The following ASTN2 variants were observed in gnomAD, a reference collection of about 807,000 sequenced individuals.
ASTN2 encodes the protein astrotactin-2.
A neutral mutation model predicts 139.8 loss-of-function variants in ASTN2; 54 were observed. That is an observed-to-expected ratio of 0.39 (90% confidence interval 0.31 to 0.48). ASTN2 has a LOEUF of 0.48. ASTN2 is among the 20% of genes least tolerant of loss of function. The pLI is 0.95. For synonymous variants in ASTN2, 756 were observed against 719.5 expected, an observed-to-expected ratio of 1.05 and a Z score of -0.81; for missense variants, 1,565 against 1,725.1, an observed-to-expected ratio of 0.91 and a Z score of 1.64.
chr9:116,772,824 T>C (rs370715651), intron 13 of ASTN2, among the ~76,000 whole-genome samples: 22 of 152,136 alleles, frequency 1.4e-4, no homozygotes, highest in African/African-American at 4.8e-4. Flanking sequence ...AAAGGAAATA[T>C]ATGAACCTCC....
At chr9:117,018,105 A>T (rs1377089703) in intron 6 of ASTN2, among the ~76,000 whole-genome samples, 1 of 152,060 alleles carries the variant, frequency 6.6e-6, no homozygotes, top group East Asian at 1.9e-4. Flanking sequence ...CTACTTGAAG[A>T]CATGTTGCGA....
chr9:116,569,867 G>A (rs1403114837), intron 19 of ASTN2, among the ~76,000 whole-genome samples: 2 of 152,196 alleles, frequency 1.3e-5, no homozygotes, highest in Non-Finnish European at 2.9e-5. Flanking sequence ...GAAATGACCA[G>A]CAAGTTCATA....
chr9:117,084,184 C>A (rs1329571671), intron 5 of ASTN2, among the ~76,000 whole-genome samples: 1 of 152,158 alleles, frequency 6.6e-6, no homozygotes, highest in Non-Finnish European at 1.5e-5. Context: ...GGGCCAAATG[C>A]AGATGTAGAT....
At chr9:116,909,858 T>C (rs1339078502) in intron 10 of ASTN2, among the ~76,000 whole-genome samples, 1 of 152,200 alleles carries the variant, frequency 6.6e-6, no homozygotes, top group Non-Finnish European at 1.5e-5. Flanking sequence ...AAACTGAGAA[T>C]TGGTCATTGG....
At chr9:116,982,276 T>A (rs1243465097) in intron 7 of ASTN2, among the ~76,000 whole-genome samples, 1 of 152,198 alleles carries the variant, frequency 6.6e-6, no homozygotes, top group Non-Finnish European at 1.5e-5. Flanking sequence ...GCCTGTTTCC[T>A]TTACCTATAA....
intron 1 of ASTN2, among the ~76,000 whole-genome samples, chr9:117,349,795 C>G (rs540927928): frequency 3.3e-5 from 5 of 152,146 alleles, no homozygotes; most frequent in South Asian, 2.1e-4. Context: ...TCAGAGACTC[C>G]CTGATATGAT....
At chr9:117,369,418 G>A (rs1324238800) in intron 1 of ASTN2, among the ~76,000 whole-genome samples, 1 of 151,932 alleles carries the variant, frequency 6.6e-6, no homozygotes, top group African/African-American at 2.4e-5. Context: ...TACTCTTTAC[G>A]ATAACCCTGC....
chr9:116,500,432 C>T (rs1849815366), intron 19 of ASTN2, among the ~76,000 whole-genome samples: 1 of 152,208 alleles, frequency 6.6e-6, no homozygotes, highest in African/African-American at 2.4e-5. Flanking sequence ...GTAGCTATAG[C>T]TTGTGCTCTT....
At chr9:116,948,794 T>TTTTG (rs1554764213) in intron 10 of ASTN2, among the ~76,000 whole-genome samples, 1 of 120,472 alleles carries the variant, frequency 8.3e-6, no homozygotes, top group Non-Finnish European at 1.7e-5. Flanking sequence ...TGTTTTTTTT[T>TTTTG]TTTTTTTTTT....
At chr9:116,624,924 C>T (rs1856365572) in intron 17 of ASTN2, among the ~76,000 whole-genome samples, 1 of 152,030 alleles carries the variant, frequency 6.6e-6, no homozygotes, top group Non-Finnish European at 1.5e-5. Context: ...AACACAGTAT[C>T]TAGCATTTAA....
intron 6 of ASTN2, among the ~76,000 whole-genome samples, chr9:117,024,244 A>C (rs1048556955): frequency 2.6e-5 from 4 of 152,122 alleles, no homozygotes; most frequent in Non-Finnish European, 2.9e-5. Context: ...TGTAGCTTTG[A>C]GAGCAATGCA....
chr9:117,127,533 G>A (rs1166232492), intron 4 of ASTN2, among the ~76,000 whole-genome samples: 1 of 152,090 alleles, frequency 6.6e-6, no homozygotes, highest in Non-Finnish European at 1.5e-5. Flanking sequence ...GCCTAGAAAA[G>A]CTAATGCACT....
intron 13 of ASTN2, among the ~76,000 whole-genome samples, chr9:116,791,750 G>C (rs1165072064): frequency 6.6e-6 from 1 of 152,210 alleles, no homozygotes; most frequent in East Asian, 1.9e-4. Context: ...TGAGTGTAAT[G>C]AAATTGCGCT....
intron 2 of ASTN2, among the ~76,000 whole-genome samples, chr9:117,222,279 G>A (rs970868772): frequency 2.6e-5 from 4 of 152,124 alleles, no homozygotes; most frequent in Admixed American, 6.6e-5. Flanking sequence ...GTATGCTTTT[G>A]AAATGCCCTT....
rs71502074 is a variant in ASTN2 at position 116,658,733 on chromosome 9, CTTTTTTTTTTTTTT to C, written c.2807-6954_2807-6941del. ...GACCTTCCTAATCCTGACCACCGCT[CTTTTTTTTTTTTTT>C]TTTTTTTTTTTGCTTGTACTGTGAA... On this transcript the variant is annotated intron_variant, in intron 16 of 22. Coordinates refer to ENST00000313400, the MANE Select transcript of ASTN2 (RefSeq NM_001365068.1). Among the ~76,000 whole-genome samples the C allele has an allele frequency of 4.0e-5, 4 of 101,098 alleles. No homozygotes were observed. In the South Asian group the frequency reaches 1.7e-3, roughly 44 times the overall value. 66.3% of individuals were successfully genotyped at this position (101,098 alleles called of 152,430 possible).
chr9:117,279,409 G>A lies in ASTN2; in HGVS notation c.630+11917C>T, dbSNP rs186916675. Among the ~76,000 whole-genome samples, 651 of 152,278 alleles carry A rather than the reference G, an allele frequency of 4.3e-3. 2 individuals carry two copies. Among genetic ancestry groups the A allele is most frequent in the Middle Eastern group, 0.01 (3 of 294 alleles). ...AACAGTAAAAACAGCAATATCAATAGTATCATTAATACAACATTTGTATAG... is the reference window on the plus strand; with the variant it reads ...AACAGTAAAAACAGCAATATCAATAATATCATTAATACAACATTTGTATAG... On this transcript the variant is annotated intron_variant, in intron 2 of 22. Coordinates refer to ENST00000313400, the MANE Select transcript of ASTN2 (RefSeq NM_001365068.1).
At chr9:116,752,860 A>G in intron 13 of ASTN2, among the ~76,000 whole-genome samples, 1 of 129,698 alleles carries the variant, frequency 7.7e-6, no homozygotes, top group South Asian at 2.4e-4. Context: ...CAAAACATTA[A>G]CAACAACAAA....
rs866471394 is a variant in ASTN2, at chr9:117,070,855, C to A, written c.1276+25189G>T. The stretch of plus-strand genomic sequence containing the variant: ...GTAGCTCTCGAGCCTTGGTTTTCAG[C>A]TCCATCAGCTCCTTTAAGCACTTCT... On this transcript the variant is annotated intron_variant, in intron 5 of 22. Transcript: ENST00000313400. Among the ~76,000 whole-genome samples the A allele has an allele frequency of 7.0e-3, 1,062 of 151,270 alleles. 11 individuals are homozygous for A. The highest frequency in any genetic ancestry group is 0.017 in the South Asian group (80 of 4,748).
intron 10 of ASTN2, among the ~76,000 whole-genome samples, chr9:116,874,925 G>A (rs1208055927): frequency 2.6e-5 from 4 of 152,034 alleles, no homozygotes; most frequent in Admixed American, 6.6e-5. Context: ...TTATTATATC[G>A]TTTATGGTTT....
Sources: gnomAD v4.1 joint callset for allele counts (sites outside exome capture counted in the v4.1 genomes callset) on GRCh38, gnomAD v4.1.1 for gene constraint, MANE v1.5 for transcripts, NCBI Gene and HGNC (gene_info 2026-07-23, HGNC 2026-07-21) for gene names.